The following TECRL variants were observed in gnomAD, a reference collection of about 807,000 sequenced individuals.
TECRL encodes the protein trans-2,3-enoyl-CoA reductase-like.
A neutral mutation model predicts 52.8 loss-of-function variants in TECRL; 63 were observed. The observed-to-expected ratio is 1.19, with a 90% CI of 0.97 to 1.47. TECRL has a LOEUF of 1.47. Among genes scored for constraint, TECRL ranks in the 40% most tolerant of loss-of-function variants. The probability of loss-of-function intolerance (pLI) is 0.00; values close to 1 mark genes in which losing one functional copy is unlikely to be tolerated. For synonymous variants in TECRL, 164 were observed against 141.9 expected (o/e 1.16, Z -1.10); for missense variants, 482 against 429.6 (o/e 1.12, Z -1.08).
At chr4:64,305,436 T>C (rs533208141) in intron 6 of TECRL, among the ~76,000 whole-genome samples, 198 bp from the exon 7 acceptor site, 6 of 152,144 alleles carry the variant, frequency 3.9e-5, no homozygotes, top group African/African-American at 1.4e-4. Context: ...CCCAATGTAA[T>C]AGTGAGAGAG....
At chr4:64,350,113 A>G (rs202197715) in intron 2 of TECRL, among the ~76,000 whole-genome samples, 13 of 18,642 alleles carry the variant, frequency 7.0e-4, no homozygotes, top group Admixed American at 2.8e-3. Context: ...TTACTTAAAT[A>G]AAAAGTTATC....
In TECRL at chr4:64,281,072, A is replaced by G; in HGVS notation, c.933T>C (p.Ile311=). The change falls in exon 11 of 12, where the codon ATT becomes ATC. Residue 311 remains isoleucine (I), a synonymous_variant. Transcript: ENST00000381210. ...PNYTYEIGSW[I]SFTVMTQTLP... ...GTGTTTGTGTCATGACTGTGAAACTAATCCATGATCCAATCTGTTATATTA... is the reference window on the plus strand; with the variant it reads ...GTGTTTGTGTCATGACTGTGAAACTGATCCATGATCCAATCTGTTATATTA... 1.9e-6 allele frequency: 3 copies of G among 1,602,600 alleles called. No homozygotes were observed. The highest frequency in any genetic ancestry group is 2.6e-6 in the Non-Finnish European group (3 of 1,172,520).
chr4:64,408,996 G>A, intron 1 of TECRL, 122 bp downstream of exon 1: 1 of 897,398 alleles, frequency 1.1e-6, no homozygotes, highest in Non-Finnish European at 1.6e-6. Flanking sequence ...ACAAAATTAA[G>A]GTAAAAGTCA....
chr4:64,325,363 A>G (rs538112825), intron 3 of TECRL, among the ~76,000 whole-genome samples: 33 of 152,298 alleles, frequency 2.2e-4, no homozygotes, highest in African/African-American at 7.9e-4. Context: ...AGCACCAGGG[A>G]ACAAGCATTT....
chr4:64,343,240 G>C (rs377461387), intron 2 of TECRL, among the ~76,000 whole-genome samples: 1 of 152,064 alleles, frequency 6.6e-6, no homozygotes, highest in African/African-American at 2.4e-5. Flanking sequence ...GTGATACAGT[G>C]TATATTAATA....
intron 2 of TECRL, among the ~76,000 whole-genome samples, chr4:64,348,697 A>G (rs1173703894): frequency 3.3e-5 from 5 of 152,132 alleles, no homozygotes; most frequent in Non-Finnish European, 7.3e-5. Flanking sequence ...CCCTGCTTCC[A>G]CTATCTTTCC....
At chr4:64,305,675 G>A (rs1724294378) in intron 6 of TECRL, among the ~76,000 whole-genome samples, 1 of 152,174 alleles carries the variant, frequency 6.6e-6, no homozygotes, top group Admixed American at 6.6e-5. Flanking sequence ...ACATTATAAT[G>A]CTATTAGCAT....
intron 4 of TECRL, among the ~76,000 whole-genome samples, chr4:64,318,422 A>C (rs532040328): frequency 3.3e-5 from 5 of 152,212 alleles, no homozygotes; most frequent in African/African-American, 1.2e-4. Context: ...AAATAGTTGA[A>C]TAGATAATGG....
intron 6 of TECRL, among the ~76,000 whole-genome samples, chr4:64,305,870 A>C (rs2109988424): frequency 6.6e-6 from 1 of 152,162 alleles, no homozygotes; most frequent in East Asian, 1.9e-4. Context: ...AAGACTGAGG[A>C]CTCAGACCCA....
intron 8 of TECRL, 57 bp downstream of exon 8, chr4:64,299,917 T>TTTC (rs1723910725): frequency 9.2e-7 from 1 of 1,081,222 alleles, no homozygotes; most frequent in East Asian, 2.7e-5. Context: ...ACAGTCTGTT[T>TTTC]TTCTTAATAA....
intron 1 of TECRL, among the ~76,000 whole-genome samples, chr4:64,381,092 T>C (rs1208449386): frequency 6.6e-6 from 1 of 152,118 alleles, no homozygotes; most frequent in African/African-American, 2.4e-5. Flanking sequence ...GTTTTGCAGT[T>C]TTCCTTGTAA....
rs1446958872 is a variant in TECRL, at chr4:64,281,030, C to A, written c.964+11G>T. The A allele has an allele frequency of 2.5e-6, 4 of 1,592,810 alleles. No individual in the cohort carries two copies. The African/African-American group carries it at 4.0e-5, about 16-fold the overall frequency. ...TTATTTTGATTAATTATCAGTATAT[C>A]TAGGTCTTACCTGGCAGTGTTTGTG... On this transcript the variant is annotated intron_variant, in intron 11 of 11. Coordinates refer to ENST00000381210, the MANE Select transcript of TECRL (RefSeq NM_001010874.5).
chr4:64,396,528 T>G (rs1212703823), intron 1 of TECRL, among the ~76,000 whole-genome samples: 1 of 152,194 alleles, frequency 6.6e-6, no homozygotes, highest in Non-Finnish European at 1.5e-5. Context: ...TTCAATTGTT[T>G]AAGTTCCTTA....
intron 2 of TECRL, among the ~76,000 whole-genome samples, chr4:64,369,147 T>C (rs1296238923): frequency 6.6e-6 from 1 of 152,204 alleles, no homozygotes; most frequent in African/African-American, 2.4e-5. Context: ...GATTTTGCTT[T>C]TTTTGTTCAG....
chr4:64,336,430 C>T (rs1449220397), intron 2 of TECRL, among the ~76,000 whole-genome samples: 5 of 151,966 alleles, frequency 3.3e-5, no homozygotes, highest in African/African-American at 1.2e-4. Flanking sequence ...AGTGGTCTAT[C>T]AATTTTGTTG....
intron 2 of TECRL, among the ~76,000 whole-genome samples, chr4:64,373,734 C>A (rs946373561): frequency 2.6e-5 from 4 of 151,210 alleles, no homozygotes; most frequent in Admixed American, 2.0e-4. Context: ...CAAATGTCTT[C>A]CTACTTACTA....
rs544329818 is a variant in TECRL at position 64,371,313 on chromosome 4, A to T, written c.286+3859T>A. ...CATTATAATTAATTAAATTATAATTATAACTAAATTGTAAAACAATCACAA... is the reference window on the plus strand; with the variant it reads ...CATTATAATTAATTAAATTATAATTTTAACTAAATTGTAAAACAATCACAA... On this transcript the variant is annotated intron_variant, in intron 2 of 11. Transcript: ENST00000381210. Among the ~76,000 whole-genome samples, 10 of 151,266 alleles carry T rather than the reference A, an allele frequency of 6.6e-5. No individual in the cohort carries two copies. The East Asian group carries it at 1.9e-3, about 29-fold the overall frequency.
chr4:64,359,113 C>A (rs1398708186), intron 2 of TECRL, among the ~76,000 whole-genome samples: 3 of 151,752 alleles, frequency 2.0e-5, no homozygotes, highest in Non-Finnish European at 4.4e-5. Flanking sequence ...AAAAAAGATT[C>A]TCTAGCATTT....
intron 4 of TECRL, 106 bp from the exon 5 acceptor site, chr4:64,314,869 A>AT (rs1441386746): frequency 3.9e-6 from 3 of 773,064 alleles, no homozygotes; most frequent in Non-Finnish European, 6.6e-6. Flanking sequence ...AAACAGGTAG[A>AT]TTTTTTGTAA....
Sources: gnomAD v4.1 joint callset for allele counts (sites outside exome capture counted in the v4.1 genomes callset) on GRCh38, gnomAD v4.1.1 for gene constraint, MANE v1.5 for transcripts, NCBI Gene and HGNC (gene_info 2026-07-23, HGNC 2026-07-21) for gene names.